The following HAUS6 variants were observed in gnomAD, a reference collection of about 807,000 sequenced individuals.
HAUS6 encodes HAUS augmin like complex subunit 6, also known as HAUS augmin-like complex subunit 6.
Under a neutral mutation model 106.8 loss-of-function variants are expected in HAUS6, and 80 were observed. The observed-to-expected ratio is 0.75, with a 90% confidence interval of 0.63 to 0.90. HAUS6 has a LOEUF of 0.90. Among genes scored for constraint, HAUS6 ranks in the 40% least tolerant of loss-of-function variants. The probability of loss-of-function intolerance (pLI) is 0.00; values close to 1 mark genes in which losing one functional copy is unlikely to be tolerated. For synonymous variants in HAUS6, 356 were observed against 379.1 expected (o/e 0.94, Z 0.71); for missense variants, 1,155 against 1,118.1 (o/e 1.03, Z -0.47).
chr9:19,095,432 G>C (rs1357629619), intron 2 of HAUS6, among the ~76,000 whole-genome samples: 2 of 149,742 alleles, frequency 1.3e-5, no homozygotes, highest in Non-Finnish European at 3.0e-5. Context: ...TGGTTGACGG[G>C]TTTCAAAACA....
intron 12 of HAUS6, among the ~76,000 whole-genome samples, chr9:19,064,072 A>G (rs1345941937): frequency 6.6e-6 from 1 of 151,442 alleles, no homozygotes; most frequent in Non-Finnish European, 1.5e-5. Context: ...GGTTCAAGCG[A>G]TTCTCCTGCC....
chr9:19,056,015 TATAAC>T lies in HAUS6; in HGVS notation c.*323_*327del, dbSNP rs776930634. 112 of 238,570 alleles carry T rather than the reference TATAAC, an allele frequency of 4.7e-4. No homozygotes were observed. Among genetic ancestry groups the T allele is most frequent in the Non-Finnish European group, 7.3e-4 (91 of 123,958 alleles). The allele number at this position is 238,570 out of a possible 1,614,324, so 14.8% of individuals were successfully genotyped here. On this transcript the variant is annotated 3_prime_UTR_variant, in exon 17 of 17. Transcript: ENST00000380502. ...TATCCTTATATTAATTGACTGAAGT[TATAAC>T]ATAAGAAATAAGTTACACTACTACT...
chr9:19,089,620 G>C, intron 4 of HAUS6, 61 bp from the exon 5 acceptor site: 1 of 1,280,366 alleles, frequency 7.8e-7, no homozygotes. Flanking sequence ...TGGGTTATCA[G>C]AAATGAACAT....
At chr9:19,086,870 C>T in intron 6 of HAUS6, 88 bp from the exon 7 acceptor site, 1 of 655,898 alleles carries the variant, frequency 1.5e-6, no homozygotes, top group Non-Finnish European at 2.7e-6. Flanking sequence ...GCAAATCAAC[C>T]CACCAACAAC....
In HAUS6 at chr9:19,053,647, T is replaced by C. The variant is rs1836406768; in HGVS notation, c.*2696A>G. ...AGCATTATCTCAGGTTTCAAGCTGA[T>C]GTATGTCAGTTTATATACCTTTGTA... On this transcript the variant is annotated 3_prime_UTR_variant, in exon 17 of 17. Transcript: ENST00000380502. The C allele has an allele frequency of 1.3e-5, 2 of 152,204 alleles. No individual in the cohort carries two copies. Among genetic ancestry groups the C allele is most frequent in the South Asian group, 4.1e-4 (2 of 4,828 alleles). 9.4% of individuals were successfully genotyped at this position (152,204 alleles called of 1,614,324 possible). A position where few individuals can be genotyped will look rare whatever the true frequency, so the allele number is the denominator to read the frequency against.
chr9:19,100,543 A>G (rs1366278820), intron 1 of HAUS6, among the ~76,000 whole-genome samples: 1 of 152,196 alleles, frequency 6.6e-6, no homozygotes, highest in East Asian at 1.9e-4. Context: ...AACTAAAAAT[A>G]GAAGTACCCT....
intron 2 of HAUS6, among the ~76,000 whole-genome samples, chr9:19,095,233 A>C (rs1046327289): frequency 6.6e-6 from 1 of 152,064 alleles, no homozygotes; most frequent in African/African-American, 2.4e-5. Flanking sequence ...TTTGGTCAAA[A>C]ATATTAGGGT....
At chr9:19,067,710 TAG>T (rs1452498624) in intron 12 of HAUS6, among the ~76,000 whole-genome samples, 1 of 152,180 alleles carries the variant, frequency 6.6e-6, no homozygotes, top group African/African-American at 2.4e-5. Context: ...CTTTTTCAGA[TAG>T]AGTTTCACTC....
chr9:19,088,994 G>T (rs560396709), intron 5 of HAUS6, among the ~76,000 whole-genome samples: 1 of 152,258 alleles, frequency 6.6e-6, no homozygotes, highest in Non-Finnish European at 1.5e-5. Context: ...TGTAATCTCA[G>T]CACTTTGGGA....
rs140434990 is a variant in HAUS6, at chr9:19,087,331, A to G, written c.585-175T>C. ...CAAGTGATTCAACATACAGGCTCCTATTGAGATGGACCTAGGACTCATAGG... is the reference window on the plus strand; with the variant it reads ...CAAGTGATTCAACATACAGGCTCCTGTTGAGATGGACCTAGGACTCATAGG... On this transcript the variant is annotated intron_variant, in intron 5 of 16. Transcript: ENST00000380502. Among the ~76,000 whole-genome samples, 362 of 152,268 alleles carry G rather than the reference A, an allele frequency of 2.4e-3. 2 individuals carry two copies. The highest frequency in any genetic ancestry group is 3.6e-3 in the Non-Finnish European group (242 of 68,014).
intron 1 of HAUS6, among the ~76,000 whole-genome samples, chr9:19,102,014 C>A (rs1232730413): frequency 2.6e-5 from 4 of 152,164 alleles, no homozygotes; most frequent in Admixed American, 2.6e-4. Flanking sequence ...AGGGAAGGGG[C>A]TTTTACTTTC....
chr9:19,091,772 G>A (rs770764531), intron 4 of HAUS6, among the ~76,000 whole-genome samples: 5 of 151,992 alleles, frequency 3.3e-5, no homozygotes, highest in South Asian at 4.1e-4. Flanking sequence ...AGCGATTCTC[G>A]TGCCTCAGCC....
chr9:19,077,625 T>C (rs1837040460), intron 10 of HAUS6, among the ~76,000 whole-genome samples: 1 of 152,190 alleles, frequency 6.6e-6, no homozygotes, highest in Non-Finnish European at 1.5e-5. Flanking sequence ...ATGGATATTA[T>C]ATTATATATA....
intron 4 of HAUS6, among the ~76,000 whole-genome samples, chr9:19,092,131 A>G (rs563605229): frequency 6.6e-6 from 1 of 152,278 alleles, no homozygotes; most frequent in Admixed American, 6.5e-5. Flanking sequence ...AGCCTTTAGG[A>G]AAACAGACAT....
chr9:19,101,915 T>C (rs1308004639), intron 1 of HAUS6, among the ~76,000 whole-genome samples: 5 of 152,126 alleles, frequency 3.3e-5, no homozygotes, highest in Non-Finnish European at 7.4e-5. Flanking sequence ...GGAGACTCCA[T>C]ATGAAAGAAA....
rs772520397 is a variant in HAUS6 at position 19,058,053 on chromosome 9, C to T, written c.2714G>A (p.Arg905Gln). ...AAACTTAATTAGTGGTGAAAGAGAC[C>T]GTTTTCTTTCACCGATGGACGTGCG... ...SLRTSIGERK[R>Q]SLSPLIKFSP... The change falls in exon 16 of 17, where the codon CGG (arginine) becomes CAG (glutamine). Residue 905 changes from arginine to glutamine, a missense_variant. Arg to Gln is a conservative substitution (Grantham distance 43). Transcript: ENST00000380502. 10 of 1,612,942 alleles carry T rather than the reference C, an allele frequency of 6.2e-6. No individual in the cohort carries two copies. The Admixed American group carries it at 6.7e-5, about 11-fold the overall frequency.
Position 19,102,873 on chromosome 9 carries a change from A to G in HAUS6, c.-222T>C, listed in dbSNP as rs542254659. On this transcript the variant is annotated 5_prime_UTR_variant, in exon 1 of 17. Transcript: ENST00000380502. ...AGTGCGGCCACCACTGCCTCAGCGA[A>G]GCCACCACAAACCGAGACTCCCGCC... The G allele has an allele frequency of 2.8e-5, 12 of 423,356 alleles. No individual in the cohort carries two copies. Among genetic ancestry groups the G allele is most frequent in the African/African-American group, 1.8e-4 (9 of 48,664 alleles). The allele number at this position is 423,356 out of a possible 1,614,324, so 26.2% of individuals were successfully genotyped here. A position where few individuals can be genotyped will look rare whatever the true frequency, so the allele number is the denominator to read the frequency against.
chr9:19,063,651 C>T (rs1447032053), intron 12 of HAUS6, 71 bp from the exon 13 acceptor site: 1 of 1,027,990 alleles, frequency 9.7e-7, no homozygotes, highest in African/African-American at 1.6e-5. Flanking sequence ...CGAGTCTATT[C>T]TAAAATCTGT....
At chr9:19,093,826 G>A (rs899139897) in intron 3 of HAUS6, among the ~76,000 whole-genome samples, 8 of 152,010 alleles carry the variant, frequency 5.3e-5, no homozygotes, top group Non-Finnish European at 7.4e-5. Context: ...CCAAGATTGC[G>A]CCATTGCACT....
Sources: allele counts gnomAD v4.1 joint callset (sites outside exome capture counted in the v4.1 genomes callset), GRCh38; gene constraint gnomAD v4.1.1; transcripts MANE v1.5; gene names NCBI Gene and HGNC (gene_info 2026-07-23, HGNC 2026-07-21).